Variants in COG2 observed in about 807,000 individuals in gnomAD.
COG2 encodes the protein component of oligomeric golgi complex 2, also known as conserved oligomeric Golgi complex subunit 2.
COG2 carries 52 observed loss-of-function variants against 90.6 expected under a neutral mutation model. That is an observed-to-expected ratio of 0.57 (90% confidence interval 0.46 to 0.72). The LOEUF (loss-of-function observed/expected upper bound fraction) is 0.72, where lower values mean the gene tolerates loss of function less well. Ranked by LOEUF, COG2 falls within the 30% of genes least tolerant of loss-of-function variation. The pLI is 0.00. For missense variants in COG2, 829 were observed against 891.2 expected, an observed-to-expected ratio of 0.93 and a Z score of 0.89; for synonymous variants, 337 against 320.4, an observed-to-expected ratio of 1.05 and a Z score of -0.55.
At chr1:230,681,458 C>T (rs919276547) in intron 10 of COG2, 9 of 152,074 alleles carry the variant, frequency 5.9e-5, no homozygotes, top group Non-Finnish European at 1.3e-4. Context: ...CCACAAGAGA[C>T]GGGTGCACTT....
At chr1:230,676,095 T>C (rs1298912168) in intron 9 of COG2, among the ~76,000 whole-genome samples, 1 of 152,228 alleles carries the variant, frequency 6.6e-6, no homozygotes, top group Non-Finnish European at 1.5e-5. Flanking sequence ...TCTTCCTTCT[T>C]CTTCCCTGGA....
intron 17 of COG2, 79 bp from the exon 18 acceptor site, chr1:230,693,212 GA>G: frequency 1.2e-6 from 1 of 831,458 alleles, no homozygotes; most frequent in Admixed American, 2.0e-5. Flanking sequence ...AGTAGAGGAT[GA>G]AGATTTTCTT....
At chr1:230,648,730 C>G (rs542713277) in intron 1 of COG2, among the ~76,000 whole-genome samples, 5 of 152,118 alleles carry the variant, frequency 3.3e-5, no homozygotes, top group Non-Finnish European at 5.9e-5. Flanking sequence ...GTAAATAGAT[C>G]TTTGTTGTTC....
chr1:230,643,914 A>C lies in COG2; in HGVS notation c.72+1236A>C, dbSNP rs147822023. On this transcript the variant is annotated intron_variant, in intron 1 of 17. Coordinates refer to ENST00000366669, the MANE Select transcript of COG2 (RefSeq NM_007357.3). ...GGTAGAAAGAAACAGCTAAGGGTACATGCTGGGGAGAGGTGCCCTGGAAGA... is the reference window on the plus strand; with the variant it reads ...GGTAGAAAGAAACAGCTAAGGGTACCTGCTGGGGAGAGGTGCCCTGGAAGA... Among the ~76,000 whole-genome samples, 293 of 152,298 alleles carry C rather than the reference A, an allele frequency of 1.9e-3. 2 individuals carry two copies. Among genetic ancestry groups the C allele is most frequent in the African/African-American group, 6.9e-3 (288 of 41,568 alleles).
chr1:230,678,182 A>G (rs1344671156), intron 9 of COG2: 5 of 985,406 alleles, frequency 5.1e-6, no homozygotes, highest in East Asian at 1.1e-4. Flanking sequence ...CACAAAAGCA[A>G]CATGCAGCCG....
At chr1:230,645,625 G>A (rs939265593) in intron 1 of COG2, among the ~76,000 whole-genome samples, 9 of 152,162 alleles carry the variant, frequency 5.9e-5, no homozygotes, top group South Asian at 2.1e-4. Context: ...TGATTCAAGC[G>A]CATTACATTT....
intron 12 of COG2, 115 bp downstream of exon 12, chr1:230,685,351 C>T: frequency 5.8e-6 from 6 of 1,029,582 alleles, no homozygotes; most frequent in Non-Finnish European, 8.5e-6. Context: ...CAGAGGACCA[C>T]AGTAGTCTGA....
At position 230,692,242 on chromosome 1, in the gene COG2, T is replaced by C. The variant is rs1359848976; in HGVS notation, c.2115+678T>C. Among the ~76,000 whole-genome samples, 2 of 151,946 alleles carry C rather than the reference T, an allele frequency of 1.3e-5. 1 individual carries two copies. Among genetic ancestry groups the C allele is most frequent in the South Asian group, 4.2e-4 (2 of 4,788 alleles). ...ACTGTTAAAGCGTCGCACATAGTAG[T>C]AGGTCCTCAAGGGAGGCCTTTCCAC... On this transcript the variant is annotated intron_variant, in intron 17 of 17. Transcript: ENST00000366669.
Position 230,668,178 on chromosome 1 carries a change from G to C in COG2, c.486-498G>C, listed in dbSNP as rs1662363421. 2.0e-5 allele frequency among the ~76,000 whole-genome samples: 3 copies of C among 152,056 alleles called. 1 individual carries two copies. The South Asian group carries it at 6.2e-4, about 32-fold the overall frequency. ...ATATCTAGAGGTATTTTAGCAAGGA[G>C]AGTGAGGCAGGCAGAGAAGTAGAAA... On this transcript the variant is annotated intron_variant, in intron 5 of 17. Coordinates refer to ENST00000366669, the MANE Select transcript of COG2 (RefSeq NM_007357.3).
In COG2 at chr1:230,675,134, C is replaced by T. The variant is rs375207649; in HGVS notation, c.1026+10C>T. ...CGATGCATTTCATGAGGTATCTCCCCGCCCGTCGTCTTGATTCTTGAAGAT... is the reference window on the plus strand; with the variant it reads ...CGATGCATTTCATGAGGTATCTCCCTGCCCGTCGTCTTGATTCTTGAAGAT... On this transcript the variant is annotated intron_variant, in intron 9 of 17. Transcript: ENST00000366669. 139 of 1,603,790 alleles carry T rather than the reference C, an allele frequency of 8.7e-5. No homozygotes were observed. The Middle Eastern group carries it at 2.5e-3, about 29-fold the overall frequency.
intron 16 of COG2, among the ~76,000 whole-genome samples, chr1:230,691,130 T>G (rs1571966794): frequency 6.6e-6 from 1 of 152,262 alleles, no homozygotes; most frequent in Middle Eastern, 3.4e-3. Context: ...TCTTAAATTC[T>G]GAGGGAATGC....
intron 15 of COG2, 44 bp from the exon 16 acceptor site, chr1:230,689,970 G>GT (rs765895657): frequency 6.6e-6 from 10 of 1,519,430 alleles, no homozygotes; most frequent in African/African-American, 5.7e-5. Flanking sequence ...TTTCTTTTCT[G>GT]TTTTTTTCCT....
intron 1 of COG2, among the ~76,000 whole-genome samples, chr1:230,649,241 A>G (rs1661858753): frequency 6.6e-6 from 1 of 152,202 alleles, no homozygotes. Flanking sequence ...TGGTAACCAA[A>G]TAAAGGTTTA....
At chr1:230,678,531 C>G (rs753971815) in intron 9 of COG2, 18 of 985,200 alleles carry the variant, frequency 1.8e-5, no homozygotes, top group Non-Finnish European at 2.0e-5. Flanking sequence ...CTTTCTTCTT[C>G]AGAATTTTCT....
intron 8 of COG2, among the ~76,000 whole-genome samples, chr1:230,672,277 C>T (rs1031611836): frequency 1.3e-5 from 2 of 152,142 alleles, no homozygotes; most frequent in African/African-American, 2.4e-5. Flanking sequence ...CTTCTCAGTG[C>T]GCATGGAGGA....
chr1:230,652,299 T>C (rs1272238767), intron 1 of COG2, among the ~76,000 whole-genome samples: 1 of 152,206 alleles, frequency 6.6e-6, no homozygotes. Context: ...GTAGGAATCA[T>C]ACAGTATATA....
At chr1:230,666,987 A>G (rs1381005141) in intron 5 of COG2, among the ~76,000 whole-genome samples, 1 of 152,222 alleles carries the variant, frequency 6.6e-6, no homozygotes, top group African/African-American at 2.4e-5. Flanking sequence ...CATAAAGCTC[A>G]ATTACAAGAC....
chr1:230,671,540 T>A lies in COG2; in HGVS notation c.799T>A (p.Ser267Thr), dbSNP rs1405199273. 6.2e-7 allele frequency: 1 copy of A among 1,613,350 alleles called. No individual in the cohort carries two copies. Among genetic ancestry groups the A allele is most frequent in the East Asian group, 2.2e-5 (1 of 44,870 alleles). The change falls in exon 8 of 18, where the codon TCT becomes ACT. Residue 267 changes from serine (S) to threonine (T), a missense_variant. By Grantham distance (58) the Ser-to-Thr change is moderately conservative. Transcript: ENST00000366669. ...DEVIIEQFVE[S>T]HPNGLQVMYN... ...GGTGATTATAGAGCAGTTTGTTGAA[T>A]CTCATCCCAATGGCCTTCAGGTCAT... is the stretch of plus-strand genomic sequence containing the variant.
At chr1:230,658,947 A>G (rs553329663) in intron 1 of COG2, among the ~76,000 whole-genome samples, 4 of 152,220 alleles carry the variant, frequency 2.6e-5, no homozygotes, top group Non-Finnish European at 2.9e-5. Context: ...CAGCATGAAT[A>G]TTAAGATTCT....
Sources: allele counts gnomAD v4.1 joint callset (sites outside exome capture counted in the v4.1 genomes callset), GRCh38; gene constraint gnomAD v4.1.1; transcripts MANE v1.5; gene names NCBI Gene and HGNC (gene_info 2026-07-23, HGNC 2026-07-21).